Variants in TNS3 observed in about 807,000 individuals in gnomAD.
TNS3 encodes tensin 3, also known as tensin-3.
A neutral mutation model predicts 140.9 loss-of-function variants in TNS3; 45 were observed. The ratio of observed to expected loss-of-function variants is 0.32; its 90% confidence interval spans 0.25 to 0.41. The LOEUF (loss-of-function observed/expected upper bound fraction) is 0.41. Among genes scored for constraint, TNS3 ranks in the 10% least tolerant of loss-of-function variants. TNS3 has a pLI of 1.00. For synonymous variants in TNS3, 815 were observed against 788.4 expected (o/e 1.03, Z -0.56); for missense variants, 1,716 against 1,906.7 (o/e 0.90, Z 1.86).
intron 16 of TNS3, among the ~76,000 whole-genome samples, chr7:47,384,626 C>T (rs988268603): frequency 1.3e-5 from 2 of 152,230 alleles, no homozygotes; most frequent in Non-Finnish European, 2.9e-5. Flanking sequence ...AAGCCTTGAG[C>T]TCTTCAGGAG....
At chr7:47,322,559 C>CA (rs1213212633) in intron 20 of TNS3, among the ~76,000 whole-genome samples, 2 of 149,990 alleles carry the variant, frequency 1.3e-5, no homozygotes, top group Admixed American at 1.3e-4. Context: ...CACACACAAT[C>CA]AAAAAAACAA....
intron 16 of TNS3, among the ~76,000 whole-genome samples, chr7:47,373,898 A>AAC (rs1247258596): frequency 1.3e-5 from 2 of 152,106 alleles, no homozygotes; most frequent in African/African-American, 2.4e-5. Flanking sequence ...ACCAAAACCA[A>AAC]ACACACACAC....
rs77482315 is a variant in TNS3, at chr7:47,374,959, C to G, written c.1025-5338G>C. ...CACTCTGTCTCTGGCACCTGATGTG[C>G]TATTAGGGCTGACACTGCTGTGAGG... is the stretch of plus-strand genomic sequence containing the variant. On this transcript the variant is annotated intron_variant, in intron 16 of 30. Coordinates refer to ENST00000311160, the MANE Select transcript of TNS3 (RefSeq NM_022748.12). Among the ~76,000 whole-genome samples, 361 of 152,286 alleles carry G rather than the reference C, an allele frequency of 2.4e-3. 1 individual carries two copies. The highest frequency in any genetic ancestry group is 8.3e-3 in the African/African-American group (345 of 41,568).
intron 27 of TNS3, among the ~76,000 whole-genome samples, chr7:47,288,742 G>T (rs1171737562): frequency 6.6e-6 from 1 of 152,180 alleles, no homozygotes; most frequent in African/African-American, 2.4e-5. Context: ...GGCTTCCCAG[G>T]AAAGGCCATT....
chr7:47,431,757 T>C (rs1416391763), intron 8 of TNS3, among the ~76,000 whole-genome samples: 1 of 152,110 alleles, frequency 6.6e-6, no homozygotes, highest in Non-Finnish European at 1.5e-5. Context: ...GGGTTGGGTT[T>C]TCTGAAGACT....
At position 47,413,962 on chromosome 7, in the gene TNS3, G is replaced by A; in HGVS notation, c.622C>T (p.Gln208Ter). The change falls in exon 12 of 31, where the codon CAG (glutamine) becomes TAG (stop). Residue 208 changes from glutamine to a stop codon, truncating the protein, a stop_gained. Coordinates refer to ENST00000311160, the MANE Select transcript of TNS3 (RefSeq NM_022748.12). LOFTEE classifies it high-confidence loss of function. ...TAGATCCCGGAGGTGTACACAGGCTGCATGGCTTGGTAGAGCTTCAGAAAG... is the reference window on the plus strand; with the variant it reads ...TAGATCCCGGAGGTGTACACAGGCTACATGGCTTGGTAGAGCTTCAGAAAG... ...RPFLKLYQAM[Q>*]PVYTSGIYNV... 2 of 1,613,896 alleles carry A rather than the reference G, an allele frequency of 1.2e-6. No individual in the cohort carries two copies. Among genetic ancestry groups the A allele is most frequent in the Non-Finnish European group, 1.7e-6 (2 of 1,179,992 alleles).
At position 47,445,299 on chromosome 7, in the gene TNS3, G is replaced by A. The variant is rs150565044; in HGVS notation, c.-75-3244C>T. Among the ~76,000 whole-genome samples the A allele has an allele frequency of 2.9e-3, 442 of 152,234 alleles. 1 individual carries two copies. The highest frequency in any genetic ancestry group is 0.01 in the African/African-American group (418 of 41,528). On this transcript the variant is annotated intron_variant, in intron 4 of 30. Transcript: ENST00000311160. ...AGCACAACCCTGAAGAGCATTGCACGGAGCCCAGCAGAAACCCCAGTAAGC... is the reference window on the plus strand; with the variant it reads ...AGCACAACCCTGAAGAGCATTGCACAGAGCCCAGCAGAAACCCCAGTAAGC...
intron 16 of TNS3, among the ~76,000 whole-genome samples, chr7:47,383,444 A>G (rs1791891929): frequency 6.6e-6 from 1 of 152,202 alleles, no homozygotes; most frequent in African/African-American, 2.4e-5. Flanking sequence ...GGGGTGATGA[A>G]GATGTTCTGG....
intron 4 of TNS3, among the ~76,000 whole-genome samples, chr7:47,475,349 G>A (rs373746836): frequency 3.5e-4 from 53 of 152,390 alleles, no homozygotes; most frequent in African/African-American, 1.2e-3. Flanking sequence ...ACAGACCACA[G>A]TGGCCAAGGC....
chr7:47,410,058 G>GT lies in TNS3; in HGVS notation c.723+1668dup, dbSNP rs565005784. 2.9e-3 allele frequency among the ~76,000 whole-genome samples: 435 copies of GT among 152,258 alleles called. 1 individual carries two copies. The highest frequency in any genetic ancestry group is 9.8e-3 in the African/African-American group (408 of 41,558). ...TGCTCAATACAGACTCAGGCCCTTC[G>GT]TCCAACGATCCCAGGAAGTGTCCTG... On this transcript the variant is annotated intron_variant, in intron 13 of 30. Coordinates refer to ENST00000311160, the MANE Select transcript of TNS3 (RefSeq NM_022748.12).
intron 1 of TNS3, among the ~76,000 whole-genome samples, chr7:47,540,851 G>A (rs949093270): frequency 6.6e-6 from 1 of 152,208 alleles, no homozygotes; most frequent in Non-Finnish European, 1.5e-5. Flanking sequence ...AGCAAGTACA[G>A]GGTGGTGAGC....
At chr7:47,498,647 G>A (rs1317050198) in intron 3 of TNS3, among the ~76,000 whole-genome samples, 1 of 152,130 alleles carries the variant, frequency 6.6e-6, no homozygotes, top group Non-Finnish European at 1.5e-5. Flanking sequence ...TCTTTTTGGG[G>A]CAGGGCTAGG....
chr7:47,528,700 G>A (rs924199264), intron 2 of TNS3, among the ~76,000 whole-genome samples: 5 of 152,162 alleles, frequency 3.3e-5, no homozygotes, highest in South Asian at 2.1e-4. Flanking sequence ...CATTTCATTC[G>A]CAAACTTGAG....
intron 4 of TNS3, among the ~76,000 whole-genome samples, chr7:47,455,987 A>G (rs1214484794): frequency 1.3e-5 from 2 of 152,224 alleles, no homozygotes; most frequent in Admixed American, 6.5e-5. Flanking sequence ...AAGAGGCTCA[A>G]GCCCGGGCTC....
chr7:47,504,688 G>C (rs1158866876), intron 3 of TNS3, among the ~76,000 whole-genome samples: 1 of 152,210 alleles, frequency 6.6e-6, no homozygotes, highest in East Asian at 1.9e-4. Flanking sequence ...TTCAGTTCCT[G>C]GAAGACCGAG....
At chr7:47,578,033 G>A (rs1800714296) in intron 1 of TNS3, among the ~76,000 whole-genome samples, 1 of 151,748 alleles carries the variant, frequency 6.6e-6, no homozygotes, top group African/African-American at 2.4e-5. Context: ...AAAAAAATCG[G>A]CCGGGCACAG....
intron 1 of TNS3, chr7:47,579,382 G>A (rs1784477625): frequency 6.6e-6 from 1 of 152,100 alleles, no homozygotes. Flanking sequence ...AGCTCCTGCT[G>A]CATGGGGCAA....
At chr7:47,522,428 T>C (rs975154798) in intron 2 of TNS3, among the ~76,000 whole-genome samples, 6 of 152,116 alleles carry the variant, frequency 3.9e-5, no homozygotes, top group Non-Finnish European at 8.8e-5. Flanking sequence ...TGATGGGGGC[T>C]TATCTCAGCC....
At chr7:47,557,262 G>A in intron 1 of TNS3, 2 of 402,152 alleles carry the variant, frequency 5.0e-6, no homozygotes, top group Non-Finnish European at 1.0e-5. Context: ...TCAGGGTGCA[G>A]TCACGGGTGA....
Sources: gnomAD v4.1 joint callset for allele counts (sites outside exome capture counted in the v4.1 genomes callset) on GRCh38, gnomAD v4.1.1 for gene constraint, MANE v1.5 for transcripts, NCBI Gene and HGNC (gene_info 2026-07-23, HGNC 2026-07-21) for gene names.